SHC4: variants seen among roughly 807,000 people sequenced by gnomAD.
The protein encoded by SHC4 is SHC-transforming protein 4.
A neutral mutation model predicts 69.4 loss-of-function variants in SHC4; 41 were observed. The ratio of observed to expected loss-of-function variants is 0.59; its 90% CI spans 0.46 to 0.77. SHC4 has a LOEUF of 0.77. SHC4 is among the 30% of genes least tolerant of loss of function. SHC4 has a pLI of 0.00. For missense variants in SHC4, 777 were observed against 783.8 expected (o/e 0.99, Z 0.10); for synonymous variants, 318 against 299.3 (o/e 1.06, Z -0.64).
At chr15:48,877,370 A>C in intron 4 of SHC4, 6 of 859,420 alleles carry the variant, frequency 7.0e-6, no homozygotes, top group Non-Finnish European at 8.4e-6. Flanking sequence ...GTGCAGAATA[A>C]ATGAAATGTG....
intron 3 of SHC4, among the ~76,000 whole-genome samples, chr15:48,885,788 C>A (rs776441346): frequency 1.3e-4 from 20 of 152,316 alleles, no homozygotes; most frequent in Non-Finnish European, 2.4e-4. Context: ...AGCCCTCAAC[C>A]TCACAGCTAT....
chr15:48,852,656 AT>A (rs1489888965), intron 8 of SHC4, among the ~76,000 whole-genome samples: 9 of 152,092 alleles, frequency 5.9e-5, no homozygotes, highest in African/African-American at 1.7e-4. Flanking sequence ...AATCTCAGCA[AT>A]TTTGGAGGCC....
intron 9 of SHC4, among the ~76,000 whole-genome samples, chr15:48,845,980 G>A (rs1899083608): frequency 6.6e-6 from 1 of 151,636 alleles, no homozygotes; most frequent in Admixed American, 6.6e-5. Context: ...ATAATCAAAA[G>A]TGCTTGAAAG....
chr15:48,914,619 C>T (rs907956934), intron 2 of SHC4, among the ~76,000 whole-genome samples: 1 of 152,092 alleles, frequency 6.6e-6, no homozygotes, highest in Admixed American at 6.5e-5. Context: ...ACTTAAGCCC[C>T]GAAGCCTCGA....
At chr15:48,925,073 C>A in intron 1 of SHC4, 124 bp from the exon 2 acceptor site, 2 of 902,100 alleles carry the variant, frequency 2.2e-6, no homozygotes, top group Admixed American at 4.0e-5. Context: ...CATTTGCACC[C>A]TCTGCCTACA....
intron 6 of SHC4, among the ~76,000 whole-genome samples, 164 bp from the exon 7 acceptor site, chr15:48,857,979 C>G (rs556396326): frequency 1.3e-5 from 2 of 152,276 alleles, no homozygotes; most frequent in East Asian, 3.9e-4. Context: ...CTTCACATTT[C>G]ACATGAATCA....
chr15:48,875,386 T>C (rs1899778860), intron 4 of SHC4, among the ~76,000 whole-genome samples: 1 of 152,236 alleles, frequency 6.6e-6, no homozygotes, highest in Admixed American at 6.5e-5. Context: ...CTAACCACAT[T>C]GCTAAAGCTA....
At chr15:48,892,920 G>A (rs1021076592) in intron 2 of SHC4, among the ~76,000 whole-genome samples, 2 of 148,554 alleles carry the variant, frequency 1.3e-5, no homozygotes, top group Admixed American at 6.7e-5. Flanking sequence ...TAAAAACAAA[G>A]GTGGATATTG....
chr15:48,928,539 G>A (rs1751321247), intron 1 of SHC4, among the ~76,000 whole-genome samples: 1 of 152,152 alleles, frequency 6.6e-6, no homozygotes, highest in Admixed American at 6.5e-5. Flanking sequence ...TCAAAGTGAA[G>A]GCTATTCTCA....
chr15:48,890,754 CT>C lies in SHC4; in HGVS notation c.713del (p.Lys238SerfsTer23). On this transcript the variant is annotated frameshift_variant, in exon 3 of 12. Transcript: ENST00000332408. LOFTEE classifies it high-confidence loss of function. ...AVPGANGAIK[K>X]RKPPVKFLST... is the part of the protein sequence containing the mutation. ...AAACCACATCATCATTTACCTTTCG[CT>C]TTTTAATGGCTCCATTTGCCCCGGG... The C allele has an allele frequency of 6.2e-7, 1 of 1,614,202 alleles. No homozygotes were observed. The highest frequency in any genetic ancestry group is 8.5e-7 in the Non-Finnish European group (1 of 1,180,034).
At chr15:48,878,178 T>A (rs753708135) in intron 4 of SHC4, 1 of 1,550,522 alleles carries the variant, frequency 6.4e-7, no homozygotes, top group South Asian at 1.2e-5. Context: ...GTTTGCACAA[T>A]GTCGGAAATG....
In SHC4 at chr15:48,919,475, G is replaced by T. The variant is rs553681467; in HGVS notation, c.656+5404C>A. The stretch of plus-strand genomic sequence containing the variant: ...ACTACCATGCTTTATTTTTGGTAGA[G>T]ATGGGATTTCACTCTGTTGCTCAGG... On this transcript the variant is annotated intron_variant, in intron 2 of 11. Coordinates refer to ENST00000332408, the MANE Select transcript of SHC4 (RefSeq NM_203349.4). Among the ~76,000 whole-genome samples, 3 of 151,076 alleles carry T rather than the reference G, an allele frequency of 2.0e-5. No individual in the cohort carries two copies. In the East Asian group the frequency reaches 5.8e-4, roughly 29 times the overall value.
intron 2 of SHC4, among the ~76,000 whole-genome samples, chr15:48,896,095 A>T (rs1318088231): frequency 6.6e-6 from 1 of 152,148 alleles, no homozygotes; most frequent in African/African-American, 2.4e-5. Context: ...CTCAAAAAAA[A>T]TAGTAGTTAT....
Position 48,823,904 on chromosome 15 carries a change from G to T in SHC4, c.*2067C>A, listed in dbSNP as rs993839613. On this transcript the variant is annotated 3_prime_UTR_variant, in exon 12 of 12. Transcript: ENST00000332408. ...TTAACTGTGTCTGTGGTATTTTTAA[G>T]TGCTGTATTTAACTACTATACTATT... is the stretch of plus-strand genomic sequence containing the variant. The T allele has an allele frequency of 1.3e-5, 2 of 152,154 alleles. No individual in the cohort carries two copies. Among genetic ancestry groups the T allele is most frequent in the Admixed American group, 6.6e-5 (1 of 15,266 alleles). The allele number at this position is 152,154 out of a possible 1,614,324, so 9.4% of individuals were successfully genotyped here.
chr15:48,920,268 G>A (rs536422612), intron 2 of SHC4, among the ~76,000 whole-genome samples: 4 of 151,418 alleles, frequency 2.6e-5, no homozygotes, highest in African/African-American at 9.7e-5. Flanking sequence ...TGATCTGCCC[G>A]CCTCGGCCTC....
intron 1 of SHC4, chr15:48,946,443 C>CT: frequency 2.3e-6 from 1 of 427,216 alleles, no homozygotes; most frequent in Non-Finnish European, 3.1e-6. Flanking sequence ...TGCCCACGTC[C>CT]TTCCTCATCC....
chr15:48,890,381 T>A (rs1243052310), intron 3 of SHC4, among the ~76,000 whole-genome samples: 1 of 152,182 alleles, frequency 6.6e-6, no homozygotes, highest in Non-Finnish European at 1.5e-5. Flanking sequence ...ATGTGGAAAT[T>A]GGAAGGCACT....
In SHC4 at chr15:48,843,071, T is replaced by C. The variant is rs1433800730; in HGVS notation, c.1483+338A>G. ...AGATTAGTCTCATCTCATACAATCA[T>C]TTCATCTCCTCCTAAATCCAGTGAC... is the stretch of plus-strand genomic sequence containing the variant. On this transcript the variant is annotated intron_variant, in intron 10 of 11. Transcript: ENST00000332408. Among the ~76,000 whole-genome samples, 3 of 152,166 alleles carry C rather than the reference T, an allele frequency of 2.0e-5. No individual in the cohort carries two copies. The East Asian group carries it at 5.8e-4, about 29-fold the overall frequency.
At chr15:48,903,922 C>G (rs970042919) in intron 2 of SHC4, among the ~76,000 whole-genome samples, 1 of 152,108 alleles carries the variant, frequency 6.6e-6, no homozygotes, top group Non-Finnish European at 1.5e-5. Flanking sequence ...CATGCCACCA[C>G]CCCCAGCTAA....
Sources: allele counts gnomAD v4.1 joint callset (sites outside exome capture counted in the v4.1 genomes callset), GRCh38; gene constraint gnomAD v4.1.1; transcripts MANE v1.5; gene names NCBI Gene and HGNC (gene_info 2026-07-23, HGNC 2026-07-21).